Variants in MMP26 observed in about 807,000 individuals in gnomAD.
The protein encoded by MMP26 is matrix metallopeptidase 26.
In MMP26, 33 loss-of-function variants were observed where a neutral mutation model predicts 31.0. The ratio of observed to expected loss-of-function variants is 1.06; its 90% CI spans 0.81 to 1.42. The LOEUF is 1.42. MMP26 is among the 40% of genes most tolerant of loss of function. The pLI is 0.00. For missense variants in MMP26, 347 were observed against 316.1 expected (o/e 1.10, Z -0.74); for synonymous variants, 122 against 114.9 (o/e 1.06, Z -0.40).
At chr11:4,857,431 A>G (rs1338537175) in intron 2 of MMP26, among the ~76,000 whole-genome samples, 1 of 152,132 alleles carries the variant, frequency 6.6e-6, no homozygotes, top group Non-Finnish European at 1.5e-5. Flanking sequence ...CTACCATCAG[A>G]GAATACTATA....
At chr11:4,858,679 A>G (rs1850094953) in intron 2 of MMP26, among the ~76,000 whole-genome samples, 1 of 152,240 alleles carries the variant, frequency 6.6e-6, no homozygotes, top group Non-Finnish European at 1.5e-5. Flanking sequence ...TGCCATCCCC[A>G]TCAAGCTACC....
chr11:4,957,839 A>G (rs12791890), intron 2 of MMP26, among the ~76,000 whole-genome samples: 22,428 of 151,900 alleles, frequency 0.15, 1,742 homozygotes, highest in South Asian at 0.17. Flanking sequence ...CCAACACCCA[A>G]GCTAATTTTT....
At chr11:4,855,438 T>C (rs550136861) in intron 2 of MMP26, among the ~76,000 whole-genome samples, 1 of 152,214 alleles carries the variant, frequency 6.6e-6, no homozygotes, top group South Asian at 2.1e-4. Flanking sequence ...CAAGCTTCAG[T>C]AGACGATTCG....
chr11:4,965,851 T>C (rs959316213), intron 2 of MMP26, among the ~76,000 whole-genome samples: 2 of 152,232 alleles, frequency 1.3e-5, no homozygotes, highest in Non-Finnish European at 2.9e-5. Flanking sequence ...TATACTTATA[T>C]GCAAATTCAC....
intron 2 of MMP26, among the ~76,000 whole-genome samples, chr11:4,949,254 T>C (rs1312604623): frequency 8.1e-6 from 1 of 123,608 alleles, no homozygotes; most frequent in Non-Finnish European, 1.8e-5. Flanking sequence ...AATAAAAATA[T>C]GGGTTTTAGC....
chr11:4,915,202 C>G, intron 2 of MMP26: 1 of 1,613,940 alleles, frequency 6.2e-7, no homozygotes, highest in Non-Finnish European at 8.5e-7. Flanking sequence ...CACTACGACC[C>G]AGAGAGACCA....
intron 2 of MMP26, among the ~76,000 whole-genome samples, chr11:4,834,220 C>A (rs1291187143): frequency 6.6e-6 from 1 of 152,072 alleles, no homozygotes; most frequent in Non-Finnish European, 1.5e-5. Flanking sequence ...GTGGATTCTT[C>A]CCTTGGATGC....
At chr11:4,715,278 T>C (rs994258560) in intron 1 of MMP26, among the ~76,000 whole-genome samples, 2 of 150,508 alleles carry the variant, frequency 1.3e-5, no homozygotes, top group African/African-American at 4.9e-5. Flanking sequence ...CTATTTTAGA[T>C]GCATAAATAT....
At chr11:4,928,207 C>G (rs12271590) in intron 2 of MMP26, among the ~76,000 whole-genome samples, 3 of 152,080 alleles carry the variant, frequency 2.0e-5, no homozygotes, top group Admixed American at 6.6e-5. Context: ...TCCTAGTACA[C>G]TATCAGACAT....
rs771239174 is a variant in MMP26, at chr11:4,947,132, A to G, written c.-144-40936A>G. ...TTCATAGGGCTCTGCTATGAAAAAT[A>G]CAGATGCTTGTGTTGGTAAAATAGG... On this transcript the variant is annotated intron_variant, in intron 2 of 7. Coordinates refer to ENST00000380390, the MANE Select transcript of MMP26 (RefSeq NM_021801.5). 1.1e-5 allele frequency: 13 copies of G among 1,174,560 alleles called. 2 individuals carry two copies. Among genetic ancestry groups the G allele is most frequent in the East Asian group, 2.6e-5 (1 of 37,874 alleles). 72.8% of individuals were successfully genotyped at this position (1,174,560 alleles called of 1,614,324 possible).
intron 2 of MMP26, among the ~76,000 whole-genome samples, chr11:4,800,052 G>A (rs1441687147): frequency 6.6e-6 from 1 of 152,168 alleles, no homozygotes; most frequent in East Asian, 1.9e-4. Flanking sequence ...GCAAGCTACT[G>A]TTGGCTCTAC....
At position 4,930,287 on chromosome 11, in the gene MMP26, A is replaced by C. The variant is rs573664940; in HGVS notation, c.-144-57781A>C. On this transcript the variant is annotated intron_variant, in intron 2 of 7. Coordinates refer to ENST00000380390, the MANE Select transcript of MMP26 (RefSeq NM_021801.5). ...AGATGTGCTTCTCAGATCCCACTTG[A>C]AGAAACCATTTGTTGCCTAGCTATA... Among the ~76,000 whole-genome samples the C allele has an allele frequency of 5.9e-5, 9 of 152,180 alleles. No individual in the cohort carries two copies. The East Asian group carries it at 1.7e-3, about 29-fold the overall frequency.
At chr11:4,838,563 C>T (rs752820825) in intron 2 of MMP26, among the ~76,000 whole-genome samples, 3 of 151,924 alleles carry the variant, frequency 2.0e-5, no homozygotes, top group Non-Finnish European at 2.9e-5. Context: ...AACTCTAATA[C>T]TCACTCGTAG....
At chr11:4,819,367 T>C (rs1254389421) in intron 2 of MMP26, among the ~76,000 whole-genome samples, 1 of 151,642 alleles carries the variant, frequency 6.6e-6, no homozygotes, top group East Asian at 1.9e-4. Flanking sequence ...ATGCCAAATA[T>C]AAGGTTGGAA....
chr11:4,774,529 C>G (rs1369235117), intron 2 of MMP26, among the ~76,000 whole-genome samples: 2 of 152,050 alleles, frequency 1.3e-5, no homozygotes, highest in African/African-American at 4.8e-5. Context: ...GGATATTAGG[C>G]CTTTGTTGGA....
At chr11:4,847,088 T>C (rs952525627) in intron 2 of MMP26, among the ~76,000 whole-genome samples, 1 of 152,204 alleles carries the variant, frequency 6.6e-6, no homozygotes, top group Non-Finnish European at 1.5e-5. Context: ...AGGTTAGCAC[T>C]ACCCCAGTAC....
chr11:4,881,322 A>T (rs952613773), intron 2 of MMP26, among the ~76,000 whole-genome samples: 2 of 152,120 alleles, frequency 1.3e-5, no homozygotes, highest in Non-Finnish European at 2.9e-5. Context: ...AGAACAGAGG[A>T]TAACTGATAT....
intron 2 of MMP26, among the ~76,000 whole-genome samples, chr11:4,899,729 C>T (rs1379900993): frequency 6.6e-6 from 1 of 152,128 alleles, no homozygotes; most frequent in Non-Finnish European, 1.5e-5. Context: ...GACCTCTTTC[C>T]TTGCCAGCTT....
chr11:4,783,454 A>C (rs1466846961), intron 2 of MMP26, among the ~76,000 whole-genome samples: 2 of 152,176 alleles, frequency 1.3e-5, no homozygotes, highest in African/African-American at 2.4e-5. Context: ...CTAGCAAGAA[A>C]CTAACTTGCT....
Sources: allele counts gnomAD v4.1 joint callset (sites outside exome capture counted in the v4.1 genomes callset), GRCh38; gene constraint gnomAD v4.1.1; transcripts MANE v1.5; gene names NCBI Gene and HGNC (gene_info 2026-07-23, HGNC 2026-07-21).